Variants in AOPEP observed in about 807,000 individuals in gnomAD.
AOPEP encodes aminopeptidase O (putative), also known as aminopeptidase O.
In AOPEP, 77 loss-of-function variants were observed where a neutral mutation model predicts 98.1. The observed-to-expected ratio is 0.78, with a 90% CI of 0.65 to 0.95. The LOEUF (loss-of-function observed/expected upper bound fraction) is 0.95. Ranked by LOEUF, AOPEP falls within the 40% of genes least tolerant of loss-of-function variation. AOPEP has a pLI of 0.00. For synonymous variants in AOPEP, 346 were observed against 365.3 expected (o/e 0.95, Z 0.60); for missense variants, 1,024 against 1,024.7 (o/e 1.00, Z 0.01).
At chr9:94,897,035 A>G (rs1311967848) in intron 5 of AOPEP, among the ~76,000 whole-genome samples, 1 of 151,898 alleles carries the variant, frequency 6.6e-6, no homozygotes, top group Non-Finnish European at 1.5e-5. Flanking sequence ...GTTTGTCCTC[A>G]GTAAATTTCC....
chr9:94,851,140 C>A (rs995659089), intron 5 of AOPEP, among the ~76,000 whole-genome samples: 2 of 152,170 alleles, frequency 1.3e-5, no homozygotes, highest in African/African-American at 2.4e-5. Context: ...GAGGAAAAGA[C>A]CCATCGTCGC....
At chr9:94,743,951 G>A (rs1239988127) in intron 1 of AOPEP, among the ~76,000 whole-genome samples, 1 of 152,168 alleles carries the variant, frequency 6.6e-6, no homozygotes, top group African/African-American at 2.4e-5. Context: ...TTAATGAAGT[G>A]CTTTGACATT....
chr9:94,918,903 T>G (rs1167629780), intron 5 of AOPEP, among the ~76,000 whole-genome samples: 3 of 152,084 alleles, frequency 2.0e-5, no homozygotes, highest in Admixed American at 2.0e-4. Flanking sequence ...CTATTTTTTT[T>G]TTTTTTAATT....
intron 13 of AOPEP, among the ~76,000 whole-genome samples, chr9:95,051,401 T>C (rs1251367934): frequency 6.6e-6 from 1 of 152,004 alleles, no homozygotes; most frequent in Non-Finnish European, 1.5e-5. Context: ...CTTTTTTTTT[T>C]TAACTGTGAG....
intron 11 of AOPEP, among the ~76,000 whole-genome samples, chr9:94,987,677 A>C (rs2060609225): frequency 6.6e-6 from 1 of 152,214 alleles, no homozygotes; most frequent in African/African-American, 2.4e-5. Context: ...ATGCATTTTA[A>C]ATACTGATAA....
chr9:94,948,953 A>T (rs1462171985), intron 7 of AOPEP, among the ~76,000 whole-genome samples: 1 of 151,982 alleles, frequency 6.6e-6, no homozygotes, highest in Admixed American at 6.5e-5. Context: ...AGCTCTCTTT[A>T]TGTAGCGTGG....
chr9:95,005,342 C>T (rs2061918215), intron 12 of AOPEP, 122 bp downstream of exon 12: 5 of 720,004 alleles, frequency 6.9e-6, no homozygotes, highest in East Asian at 3.9e-5. Context: ...GGCTCCGGCT[C>T]GGGCGCGGGG....
At chr9:95,111,365 G>A in the AOPEP span, 2 of 1,597,828 alleles carry the variant, frequency 1.3e-6, no homozygotes, top group Non-Finnish European at 1.7e-6. Context: ...GAGCTCAGGT[G>A]TCATGGAAGC....
Position 94,833,915 on chromosome 9 carries a change from G to A in AOPEP, c.1364+32913G>A, listed in dbSNP as rs371017630. On this transcript the variant is annotated intron_variant, in intron 5 of 16. Coordinates refer to ENST00000375315, the MANE Select transcript of AOPEP (RefSeq NM_001193329.3). Reference sequence around the variant, plus strand: ...ATGAGAGTATTATTTTTTGCAACTCGTAAATCATTAATGGATCTAGGCAAT... The same window carrying A: ...ATGAGAGTATTATTTTTTGCAACTCATAAATCATTAATGGATCTAGGCAAT... Among the ~76,000 whole-genome samples the A allele has an allele frequency of 2.7e-4, 40 of 149,934 alleles. 1 individual carries two copies. In the East Asian group the frequency reaches 5.2e-3, roughly 20 times the overall value.
intron 13 of AOPEP, among the ~76,000 whole-genome samples, chr9:95,012,313 T>A (rs1267579154): frequency 1.3e-5 from 2 of 152,184 alleles, no homozygotes; most frequent in African/African-American, 4.8e-5. Flanking sequence ...TGCTGATAAT[T>A]ACACTACTAT....
chr9:95,135,389 T>C, the AOPEP span: 49 of 1,613,932 alleles, frequency 3.0e-5, no homozygotes, highest in African/African-American at 6.7e-5. Flanking sequence ...TCTCAGACAA[T>C]TTCTCTCACT....
chr9:95,021,344 G>A (rs2063439394), intron 13 of AOPEP, among the ~76,000 whole-genome samples: 11 of 152,180 alleles, frequency 7.2e-5, no homozygotes, highest in Admixed American at 7.2e-4. Context: ...GGCAAGTACT[G>A]AGCTGATTCA....
chr9:95,044,394 T>A (rs1265353938), intron 13 of AOPEP, among the ~76,000 whole-genome samples: 1 of 149,898 alleles, frequency 6.7e-6, no homozygotes, highest in Non-Finnish European at 1.5e-5. Context: ...GGGGTGGGAG[T>A]GAGGGGGGAT....
chr9:94,987,613 G>C (rs1284278612), intron 11 of AOPEP, among the ~76,000 whole-genome samples: 1 of 152,196 alleles, frequency 6.6e-6, no homozygotes, highest in Non-Finnish European at 1.5e-5. Context: ...GTCCCTCCCA[G>C]CCCCTGCAAC....
chr9:94,955,873 G>A (rs1184381806), intron 8 of AOPEP, 35 bp from the exon 9 acceptor site: 3 of 1,438,914 alleles, frequency 2.1e-6, no homozygotes, highest in East Asian at 2.3e-5. Flanking sequence ...ACTCATGGTA[G>A]GCCTCTTTTT....
chr9:94,788,673 A>G (rs1357814784), intron 3 of AOPEP, among the ~76,000 whole-genome samples: 3 of 152,142 alleles, frequency 2.0e-5, no homozygotes, highest in African/African-American at 7.2e-5. Context: ...CTGATTTCTT[A>G]AGCTAATCCC....
downstream of AOPEP, among the ~76,000 whole-genome samples, chr9:95,088,897 A>T (rs55708950): frequency 0.015 from 2,260 of 152,272 alleles, 59 homozygotes; most frequent in African/African-American, 0.051. Flanking sequence ...TCAGAACCGG[A>T]CATTGCTGTC....
chr9:94,794,651 A>G (rs564050988), intron 4 of AOPEP, among the ~76,000 whole-genome samples: 1 of 152,248 alleles, frequency 6.6e-6, no homozygotes, highest in African/African-American at 2.4e-5. Flanking sequence ...AGCTATATGA[A>G]CATCCTAGAT....
At chr9:94,946,014 A>G (rs1410507731) in intron 7 of AOPEP, among the ~76,000 whole-genome samples, 2 of 152,176 alleles carry the variant, frequency 1.3e-5, no homozygotes, top group African/African-American at 4.8e-5. Flanking sequence ...GACCTGTCTC[A>G]GCACATTGCA....
Sources: gnomAD v4.1 joint callset for allele counts (sites outside exome capture counted in the v4.1 genomes callset) on GRCh38, gnomAD v4.1.1 for gene constraint, MANE v1.5 for transcripts, NCBI Gene and HGNC (gene_info 2026-07-23, HGNC 2026-07-21) for gene names.